CER1: variants seen among roughly 807,000 people sequenced by gnomAD.
CER1 encodes the protein cerberus 1, DAN family BMP antagonist, also known as cerberus.
Under a neutral mutation model 11.8 loss-of-function variants are expected in CER1, and 10 were observed. The ratio of observed to expected loss-of-function variants is 0.85; its 90% CI spans 0.52 to 1.44. The LOEUF (loss-of-function observed/expected upper bound fraction) is 1.44, where lower values mean the gene tolerates loss of function less well. Among genes scored for constraint, CER1 ranks in the 40% most tolerant of loss-of-function variants. CER1 has a pLI of 0.00. For missense variants in CER1, 431 were observed against 327.0 expected, an observed-to-expected ratio of 1.32 and a Z score of -2.45; for synonymous variants, 141 against 122.3, an observed-to-expected ratio of 1.15 and a Z score of -1.01.
intron 1 of CER1, 60 bp from the exon 2 acceptor site, chr9:14,720,446 G>C (rs1206049454): frequency 6.8e-7 from 1 of 1,476,962 alleles, no homozygotes; most frequent in East Asian, 2.3e-5. Context: ...CACACATAAT[G>C]CAGAAGCTAT....
chr9:14,722,104 T>C, intron 1 of CER1, 62 bp downstream of exon 1: 2 of 1,536,174 alleles, frequency 1.3e-6, no homozygotes, highest in Non-Finnish European at 1.8e-6. Context: ...CTACTCTCCA[T>C]CCATCCCAGC....
chr9:14,722,060 T>A, intron 1 of CER1, 106 bp downstream of exon 1: 2 of 1,301,644 alleles, frequency 1.5e-6, no homozygotes, highest in Non-Finnish European at 1.1e-6. Flanking sequence ...AATCTGTAGT[T>A]AAGCTAGAGT....
downstream of CER1, among the ~76,000 whole-genome samples, chr9:14,718,590 T>G (rs1034470452): frequency 1.3e-5 from 2 of 152,126 alleles, no homozygotes; most frequent in African/African-American, 4.8e-5. Flanking sequence ...TAAAGAGGAA[T>G]AGAATTAAAA....
intron 1 of CER1, 21 bp downstream of exon 1, chr9:14,722,145 C>T: frequency 6.3e-7 from 1 of 1,599,540 alleles, no homozygotes; most frequent in Non-Finnish European, 8.5e-7. Flanking sequence ...CTCTTACCTG[C>T]TCTCCCCCCA....
In CER1 at chr9:14,720,280, G is replaced by T. The variant is rs745943371; in HGVS notation, c.614C>A (p.Ser205Tyr). 1 of 1,614,106 alleles carries T rather than the reference G, an allele frequency of 6.2e-7. No homozygotes were observed. The highest frequency in any genetic ancestry group is 8.5e-7 in the Non-Finnish European group (1 of 1,180,022). Residue 205 changes from serine to tyrosine, a missense_variant, in exon 2 of 2, where the codon TCC (serine) becomes TAC (tyrosine). Transcript: ENST00000380911. Reference protein sequence around the residue: ...FPGAAQHSHTSCSHCLPAKFT... With the variant: ...FPGAAQHSHTYCSHCLPAKFT... ...CTTGGCAGGCAAACAGTGAGAGCAG[G>T]AGGTATGGGAGTGCTGCGCGGCTCC...
chr9:14,718,753 G>T (rs999022173), downstream of CER1, among the ~76,000 whole-genome samples: 7 of 152,168 alleles, frequency 4.6e-5, no homozygotes, highest in Non-Finnish European at 7.3e-5. Context: ...GGAAAAGGCA[G>T]TTCTGTACCA....
downstream of CER1, among the ~76,000 whole-genome samples, chr9:14,718,475 C>T (rs541651935): frequency 6.6e-6 from 1 of 152,220 alleles, no homozygotes; most frequent in East Asian, 1.9e-4. Context: ...AATGTAAATG[C>T]CATGTGTGCA....
intron 1 of CER1, 80 bp downstream of exon 1, chr9:14,722,086 C>A (rs1157681656): frequency 1.4e-6 from 2 of 1,480,824 alleles, no homozygotes; most frequent in Non-Finnish European, 1.8e-6. Context: ...TCCTGACAGC[C>A]TTTTCCCCTA....
rs889866195 is a variant in CER1 at position 14,720,174 on chromosome 9, C to G, written c.720G>C (p.Gln240His). 4 of 1,614,058 alleles carry G rather than the reference C, an allele frequency of 2.5e-6. No homozygotes were observed. Among genetic ancestry groups the G allele is most frequent in the East Asian group, 2.2e-5 (1 of 44,892 alleles). Residue 240 changes from glutamine to histidine, a missense_variant, in exon 2 of 2, where the codon CAG becomes CAC. Coordinates refer to ENST00000380911, the MANE Select transcript of CER1 (RefSeq NM_005454.3). ...IKVVMLVEEC[Q>H]CKVKTEHEDG... ...CTTCATGCTCCGTCTTCACCTTGCA[C>G]TGGCACTCCTCCACCAGCATCACCA...
chr9:14,718,846 CT>C (rs1363239142), downstream of CER1, among the ~76,000 whole-genome samples: 2 of 152,098 alleles, frequency 1.3e-5, no homozygotes, highest in Non-Finnish European at 2.9e-5. Context: ...AGAAGAAACC[CT>C]TGGTCCAGTG....
rs533770342 is a variant in CER1 at position 14,720,235 on chromosome 9, G to C, written c.659C>G (p.Pro220Arg). 1.3e-5 allele frequency: 21 copies of C among 1,613,978 alleles called. No homozygotes were observed. The highest frequency in any genetic ancestry group is 1.6e-5 in the Non-Finnish European group (19 of 1,180,028). Reference sequence around the variant, plus strand: ...GGAGGAAAGTTCAGTGCAGTTCAGTGGCAAGTGCATCGTGGTGAACTTGGC... The same window carrying C: ...GGAGGAAAGTTCAGTGCAGTTCAGTCGCAAGTGCATCGTGGTGAACTTGGC... Reference protein sequence around the residue: ...LPAKFTTMHLPLNCTELSSVI... With the variant: ...LPAKFTTMHLRLNCTELSSVI... The change falls in exon 2 of 2, where the codon CCA becomes CGA. Residue 220 changes from proline (P) to arginine (R), a missense_variant. By Grantham distance (103) the Pro-to-Arg change is moderately radical. Coordinates refer to ENST00000380911, the MANE Select transcript of CER1 (RefSeq NM_005454.3).
At chr9:14,719,557 GCCTGCCTTCCTT>G (rs56287557), downstream of CER1, among the ~76,000 whole-genome samples, 5,001 of 75,566 alleles carry the variant, frequency 0.066, 110 homozygotes, top group South Asian at 0.11. Context: ...CTGCCTGCCT[GCCTGCCTTCCTT>G]CCTTCCTTCC....
chr9:14,720,292 T>G lies in CER1; in HGVS notation c.602A>C (p.His201Pro), dbSNP rs749561433. Reference sequence around the variant, plus strand: ...ACAGTGAGAGCAGGAGGTATGGGAGTGCTGCGCGGCTCCAGGAAAATGAAC... The same window carrying G: ...ACAGTGAGAGCAGGAGGTATGGGAGGGCTGCGCGGCTCCAGGAAAATGAAC... The part of the protein sequence containing the change: ...GSVHFPGAAQ[H>P]SHTSCSHCLP... The change falls in exon 2 of 2, where the codon CAC (histidine) becomes CCC (proline). Residue 201 changes from histidine (H) to proline (P), a missense_variant. Physicochemically the swap from His to Pro is moderately conservative, Grantham distance 77 (BLOSUM62 -2). Coordinates refer to ENST00000380911, the MANE Select transcript of CER1 (RefSeq NM_005454.3). 2.5e-6 allele frequency: 4 copies of G among 1,614,036 alleles called. No individual in the cohort carries two copies. The South Asian group carries it at 3.3e-5, about 13-fold the overall frequency.
downstream of CER1, among the ~76,000 whole-genome samples, chr9:14,718,914 T>C (rs1839968517): frequency 6.6e-6 from 1 of 152,182 alleles, no homozygotes; most frequent in African/African-American, 2.4e-5. Context: ...CTCCTGATAG[T>C]ACCTTTAAAT....
downstream of CER1, among the ~76,000 whole-genome samples, chr9:14,718,036 T>C (rs937606407): frequency 3.3e-5 from 5 of 152,314 alleles, no homozygotes; most frequent in South Asian, 2.1e-4. Context: ...CCTTTGTAAA[T>C]TGCCTTTTTT....
At chr9:14,720,662 AG>A (rs1209432067) in intron 1 of CER1, among the ~76,000 whole-genome samples, 2 of 152,236 alleles carry the variant, frequency 1.3e-5, no homozygotes, top group African/African-American at 4.8e-5. Context: ...CAAAACCTTA[AG>A]CAATTTTGTC....
At chr9:14,721,750 G>C (rs1840015623) in intron 1 of CER1, among the ~76,000 whole-genome samples, 1 of 152,122 alleles carries the variant, frequency 6.6e-6, no homozygotes, top group Non-Finnish European at 1.5e-5. Context: ...GAGTTGACCT[G>C]CTCATCCACA....
rs1235748965 is a variant in CER1, at chr9:14,719,914, C to T, written c.*176G>A. On this transcript the variant is annotated 3_prime_UTR_variant, in exon 2 of 2. Transcript: ENST00000380911. ...TAGTGGCAGAGCTGAGACAAGGTCT[C>T]AAACGTGTACCAATAACTAGACTAA... 2 of 613,116 alleles carry T rather than the reference C, an allele frequency of 3.3e-6. No homozygotes were observed. The highest frequency in any genetic ancestry group is 5.6e-5 in the East Asian group (2 of 35,726). 38.0% of individuals were successfully genotyped at this position (613,116 alleles called of 1,614,324 possible).
Position 14,722,050 on chromosome 9 carries a change from A to T in CER1, c.507+116T>A, listed in dbSNP as rs1840019952. The T allele has an allele frequency of 2.5e-6, 3 of 1,223,510 alleles. No homozygotes were observed. In the East Asian group the frequency reaches 7.0e-5, roughly 29 times the overall value. The allele number at this position is 1,223,510 out of a possible 1,614,324, so 75.8% of individuals were successfully genotyped here. On this transcript the variant is annotated intron_variant, in intron 1 of 1. Transcript: ENST00000380911. ...TCCTATGATGAATGCCCAAGGACCA[A>T]ATCTGTAGTTAAGCTAGAGTCAGGC... is the stretch of plus-strand genomic sequence containing the variant.
Sources: allele counts gnomAD v4.1 joint callset (sites outside exome capture counted in the v4.1 genomes callset), GRCh38; gene constraint gnomAD v4.1.1; transcripts MANE v1.5; gene names NCBI Gene and HGNC (gene_info 2026-07-23, HGNC 2026-07-21).